Variants in NXPE2 observed in about 807,000 individuals in gnomAD.
NXPE2 encodes the protein neurexophilin and PC-esterase domain family member 2, also known as NXPE family member 2.
Under a neutral mutation model 34.4 loss-of-function variants are expected in NXPE2, and 34 were observed. The observed-to-expected ratio is 0.99, with a 90% confidence interval of 0.75 to 1.31. The LOEUF (loss-of-function observed/expected upper bound fraction) is 1.31. Among genes scored for constraint, NXPE2 ranks in the 40% most tolerant of loss-of-function variants. The probability of loss-of-function intolerance (pLI) is 0.00; values close to 1 mark genes in which losing one functional copy is unlikely to be tolerated. For synonymous variants in NXPE2, 235 were observed against 231.3 expected, an observed-to-expected ratio of 1.02 and a Z score of -0.15; for missense variants, 649 against 672.5, an observed-to-expected ratio of 0.97 and a Z score of 0.39.
chr11:114,629,646 T>A, the NXPE2 span, among the ~76,000 whole-genome samples: 2 of 151,968 alleles, frequency 1.3e-5, no homozygotes, highest in Non-Finnish European at 2.9e-5. Context: ...CTCCTATTCA[T>A]CAGAGTGTTG....
chr11:114,798,849 T>C, the NXPE2 span, among the ~76,000 whole-genome samples: 2 of 152,204 alleles, frequency 1.3e-5, no homozygotes, highest in Non-Finnish European at 1.5e-5. Flanking sequence ...GTCCATCTCT[T>C]TCAATCTGTA....
the NXPE2 span, among the ~76,000 whole-genome samples, chr11:114,763,745 C>T: frequency 6.6e-6 from 1 of 152,134 alleles, no homozygotes; most frequent in African/African-American, 2.4e-5. Flanking sequence ...ATGCTACTTG[C>T]AAATTGAGCA....
the NXPE2 span, among the ~76,000 whole-genome samples, chr11:114,804,076 G>T: frequency 6.7e-3 from 1,017 of 152,344 alleles, 10 homozygotes; most frequent in African/African-American, 0.024. Context: ...AGTTTCAAAG[G>T]TATTCAACAG....
At chr11:114,787,180 CAAAA>C in the NXPE2 span, among the ~76,000 whole-genome samples, 20,924 of 150,960 alleles carry the variant, frequency 0.14, 1,571 homozygotes, top group Middle Eastern at 0.2. Flanking sequence ...CGCACACACA[CAAAA>C]AAAAAGTGAA....
chr11:114,789,873 G>A, the NXPE2 span, among the ~76,000 whole-genome samples: 1 of 152,316 alleles, frequency 6.6e-6, no homozygotes, highest in South Asian at 2.1e-4. Flanking sequence ...CTCAAAAGCA[G>A]GGGTTGCATC....
the NXPE2 span, chr11:114,513,126 A>G: frequency 7.3e-6 from 4 of 550,374 alleles, no homozygotes; most frequent in African/African-American, 5.7e-5. Flanking sequence ...AGGGCTGGAG[A>G]GGACATCCTG....
At chr11:114,693,140 C>T (rs1444785737) in intron 2 of NXPE2, among the ~76,000 whole-genome samples, 2 of 152,218 alleles carry the variant, frequency 1.3e-5, no homozygotes, top group Non-Finnish European at 1.5e-5. Flanking sequence ...ATGTGGTGCA[C>T]ACTTTGCCTT....
chr11:114,724,860 A>C, the NXPE2 span, among the ~76,000 whole-genome samples: 2 of 125,002 alleles, frequency 1.6e-5, no homozygotes, highest in Non-Finnish European at 3.4e-5. Context: ...TTTTTTTTTA[A>C]CCCTCCACGT....
chr11:114,810,919 C>G, the NXPE2 span, among the ~76,000 whole-genome samples: 2 of 152,100 alleles, frequency 1.3e-5, no homozygotes, highest in East Asian at 3.9e-4. Flanking sequence ...TTCACAATAG[C>G]AAAGACTTGG....
the NXPE2 span, among the ~76,000 whole-genome samples, chr11:114,631,678 A>T: frequency 1.3e-5 from 2 of 151,408 alleles, no homozygotes; most frequent in African/African-American, 4.8e-5. Context: ...TATATATATA[A>T]AAAAAGTATT....
chr11:114,772,297 G>A, the NXPE2 span, among the ~76,000 whole-genome samples: 11 of 152,012 alleles, frequency 7.2e-5, no homozygotes, highest in African/African-American at 2.4e-4. Context: ...TAACACATTC[G>A]TGGTAATTAG....
At chr11:114,683,272 G>A (rs535587212) in intron 2 of NXPE2, among the ~76,000 whole-genome samples, 3 of 151,816 alleles carry the variant, frequency 2.0e-5, no homozygotes, top group African/African-American at 7.3e-5. Context: ...TTTTACTCTA[G>A]GACTAAATTT....
At chr11:114,578,459 T>C in the NXPE2 span, among the ~76,000 whole-genome samples, 1 of 152,222 alleles carries the variant, frequency 6.6e-6, no homozygotes, top group African/African-American at 2.4e-5. Context: ...TACTAGACCC[T>C]GAATTTTGTA....
At chr11:114,727,778 C>CACACAA in the NXPE2 span, among the ~76,000 whole-genome samples, 3,604 of 129,880 alleles carry the variant, frequency 0.028, 59 homozygotes, top group East Asian at 0.041. Flanking sequence ...GTACACAACA[C>CACACAA]ACACACACAC....
At chr11:114,582,720 T>C in the NXPE2 span, 3 of 1,614,150 alleles carry the variant, frequency 1.9e-6, no homozygotes, top group Non-Finnish European at 2.5e-6. Flanking sequence ...ATCCCCGCCA[T>C]ATTGCTTCCT....
chr11:114,745,397 C>T, the NXPE2 span, among the ~76,000 whole-genome samples: 1 of 152,164 alleles, frequency 6.6e-6, no homozygotes, highest in East Asian at 1.9e-4. Flanking sequence ...TTTCAACAAA[C>T]AGTTCTTACA....
the NXPE2 span, among the ~76,000 whole-genome samples, chr11:114,506,886 G>A: frequency 6.6e-6 from 1 of 152,010 alleles, no homozygotes; most frequent in Admixed American, 6.6e-5. Context: ...CAAAATCAGA[G>A]CTGAACTGAA....
At chr11:114,763,970 C>A in the NXPE2 span, among the ~76,000 whole-genome samples, 2 of 152,106 alleles carry the variant, frequency 1.3e-5, no homozygotes, top group African/African-American at 2.4e-5. Context: ...ATTCATCTTG[C>A]TTTTCATCAT....
At chr11:114,506,181 G>A in the NXPE2 span, among the ~76,000 whole-genome samples, 17 of 149,122 alleles carry the variant, frequency 1.1e-4, no homozygotes, top group African/African-American at 3.9e-4. Context: ...AGAAGATCTA[G>A]CCAACTTAAA....
Sources: gnomAD v4.1 joint callset for allele counts (sites outside exome capture counted in the v4.1 genomes callset) on GRCh38, gnomAD v4.1.1 for gene constraint, MANE v1.5 for transcripts, NCBI Gene and HGNC (gene_info 2026-07-23, HGNC 2026-07-21) for gene names.